The following SPATA16 variants were observed in gnomAD, a reference collection of about 807,000 sequenced individuals.
SPATA16 encodes the protein spermatogenesis associated 16, also known as spermatogenesis-associated protein 16.
In SPATA16, 36 loss-of-function variants were observed where a neutral mutation model predicts 63.3. The ratio of observed to expected loss-of-function variants is 0.57; its 90% CI spans 0.44 to 0.75. The LOEUF is 0.75. Ranked by LOEUF, SPATA16 falls within the 30% of genes least tolerant of loss-of-function variation. SPATA16 has a pLI of 0.00. For synonymous variants in SPATA16, 203 were observed against 216.7 expected (o/e 0.94, Z 0.56); for missense variants, 646 against 679.3 (o/e 0.95, Z 0.54).
At chr3:173,129,731 GA>G (rs1262572383) in intron 1 of SPATA16, among the ~76,000 whole-genome samples, 1 of 152,058 alleles carries the variant, frequency 6.6e-6, no homozygotes, top group Non-Finnish European at 1.5e-5. Context: ...ATATTTACAT[GA>G]AAATCGAGTC....
chr3:173,055,473 T>G (rs1736199755), intron 2 of SPATA16, among the ~76,000 whole-genome samples: 1 of 152,204 alleles, frequency 6.6e-6, no homozygotes, highest in Non-Finnish European at 1.5e-5. Flanking sequence ...ATCCATGCAG[T>G]GACTTGAATG....
chr3:172,997,217 T>A (rs1734713919), intron 4 of SPATA16, among the ~76,000 whole-genome samples: 1 of 152,092 alleles, frequency 6.6e-6, no homozygotes, highest in South Asian at 2.1e-4. Flanking sequence ...CAAACTGCCT[T>A]CCAGAGTGGC....
At chr3:172,973,358 A>C (rs1225821624) in intron 5 of SPATA16, among the ~76,000 whole-genome samples, 2 of 152,160 alleles carry the variant, frequency 1.3e-5, no homozygotes, top group African/African-American at 4.8e-5. Context: ...CATAAAAATA[A>C]AAAAAGAACC....
At chr3:173,113,276 T>A (rs1737797946) in intron 2 of SPATA16, among the ~76,000 whole-genome samples, 1 of 152,226 alleles carries the variant, frequency 6.6e-6, no homozygotes, top group South Asian at 2.1e-4. Flanking sequence ...TATGAATTTG[T>A]GTTTTTATCT....
intron 4 of SPATA16, among the ~76,000 whole-genome samples, chr3:172,982,484 TTGCTTCCC>T (rs1265270636): frequency 3.3e-5 from 5 of 152,214 alleles, no homozygotes; most frequent in Non-Finnish European, 5.9e-5. Context: ...TCAGCAGTTA[TTGCTTCCC>T]TGCAAGGAAA....
intron 3 of SPATA16, among the ~76,000 whole-genome samples, chr3:173,020,666 A>G (rs115026528): frequency 3.3e-3 from 508 of 152,304 alleles, no homozygotes; most frequent in African/African-American, 0.011. Context: ...AGAGCCTATT[A>G]TGGGTAGGTA....
intron 5 of SPATA16, among the ~76,000 whole-genome samples, chr3:172,960,202 T>C (rs1342395492): frequency 6.6e-6 from 1 of 152,148 alleles, no homozygotes; most frequent in African/African-American, 2.4e-5. Flanking sequence ...ATACTAAAAA[T>C]GGAAGCAGAT....
chr3:173,119,633 T>A (rs1738002592), intron 1 of SPATA16, among the ~76,000 whole-genome samples: 1 of 152,168 alleles, frequency 6.6e-6, no homozygotes, highest in African/African-American at 2.4e-5. Context: ...TAGGGTTGTG[T>A]TTCTATAGGA....
intron 2 of SPATA16, among the ~76,000 whole-genome samples, chr3:173,109,287 C>T (rs1265281829): frequency 6.6e-6 from 1 of 152,078 alleles, no homozygotes; most frequent in East Asian, 1.9e-4. Flanking sequence ...GGGCTGCATA[C>T]AAATAGGAAC....
intron 5 of SPATA16, among the ~76,000 whole-genome samples, chr3:172,958,991 A>G (rs1695091826): frequency 1.3e-5 from 2 of 152,170 alleles, no homozygotes; most frequent in Admixed American, 6.5e-5. Flanking sequence ...TTGGAGAGGT[A>G]CAGTTCAGCC....
intron 2 of SPATA16, among the ~76,000 whole-genome samples, chr3:173,102,838 C>G (rs548881259): frequency 1.0e-3 from 152 of 152,228 alleles, no homozygotes; most frequent in Admixed American, 1.9e-3. Context: ...TCCCAAGTCC[C>G]AAGTCAAAAG....
chr3:172,916,231 A>ATTTT, intron 9 of SPATA16, 86 bp downstream of exon 9: 1 of 1,101,254 alleles, frequency 9.1e-7, no homozygotes, highest in Non-Finnish European at 1.3e-6. Context: ...TTACCACAGG[A>ATTTT]TTTTTTTTTT....
At chr3:172,960,190 C>G (rs754362509) in intron 5 of SPATA16, among the ~76,000 whole-genome samples, 1 of 152,046 alleles carries the variant, frequency 6.6e-6, no homozygotes, top group Admixed American at 6.6e-5. Context: ...AAAAAATAAG[C>G]TATACTAAAA....
At chr3:173,077,260 TA>T (rs1353878169) in intron 2 of SPATA16, among the ~76,000 whole-genome samples, 1 of 152,198 alleles carries the variant, frequency 6.6e-6, no homozygotes, top group Non-Finnish European at 1.5e-5. Context: ...TGATTCCAAG[TA>T]TACAGTTCAT....
intron 6 of SPATA16, among the ~76,000 whole-genome samples, chr3:172,945,834 G>A (rs1270758733): frequency 6.6e-6 from 1 of 152,140 alleles, no homozygotes. Flanking sequence ...TCAATTATTG[G>A]GTAAGTTCTG....
chr3:173,077,015 G>A (rs780831284), intron 2 of SPATA16, among the ~76,000 whole-genome samples: 71 of 152,070 alleles, frequency 4.7e-4, no homozygotes, highest in Non-Finnish European at 1.2e-4. Context: ...ACATCTCTAC[G>A]TACATGATAT....
chr3:172,933,106 T>G (rs907195752), intron 6 of SPATA16, among the ~76,000 whole-genome samples: 2 of 152,214 alleles, frequency 1.3e-5, no homozygotes, highest in African/African-American at 2.4e-5. Context: ...AGTTCCTTGA[T>G]CCTACTTTTA....
At chr3:173,023,805 G>C (rs1735390580) in intron 3 of SPATA16, among the ~76,000 whole-genome samples, 2 of 151,342 alleles carry the variant, frequency 1.3e-5, no homozygotes, top group Non-Finnish European at 1.5e-5. Flanking sequence ...TGAAAACTCT[G>C]CATGAGAATA....
At chr3:173,077,570 A>T (rs1486357234) in intron 2 of SPATA16, among the ~76,000 whole-genome samples, 1 of 152,212 alleles carries the variant, frequency 6.6e-6, no homozygotes, top group Non-Finnish European at 1.5e-5. Context: ...GTGGTGAGAT[A>T]TAACAGAAAG....
Sources: gnomAD v4.1 joint callset for allele counts (sites outside exome capture counted in the v4.1 genomes callset) on GRCh38, gnomAD v4.1.1 for gene constraint, MANE v1.5 for transcripts, NCBI Gene and HGNC (gene_info 2026-07-23, HGNC 2026-07-21) for gene names.